LYST: variants seen among roughly 807,000 people sequenced by gnomAD.
LYST encodes lysosomal trafficking regulator, also known as lysosomal-trafficking regulator.
In LYST, 192 loss-of-function variants were observed where a neutral mutation model predicts 413.6. That is an observed-to-expected ratio of 0.46 (90% confidence interval 0.41 to 0.52). The LOEUF is 0.52. Ranked by LOEUF, LYST falls within the 20% of genes least tolerant of loss-of-function variation. LYST has a pLI of 0.00. For synonymous variants in LYST, 1,525 were observed against 1,567.3 expected (o/e 0.97, Z 0.64); for missense variants, 3,815 against 4,499.9 (o/e 0.85, Z 4.35).
At chr1:235,749,036 G>A (rs190787234) in intron 28 of LYST, among the ~76,000 whole-genome samples, 161 of 152,268 alleles carry the variant, frequency 1.1e-3, no homozygotes, top group Non-Finnish European at 1.5e-4. Context: ...ACATTTATCA[G>A]TAAAGAGAAC....
At chr1:235,860,178 A>T (rs1027223273) in intron 1 of LYST, among the ~76,000 whole-genome samples, 5 of 151,906 alleles carry the variant, frequency 3.3e-5, no homozygotes, top group African/African-American at 7.3e-5. Flanking sequence ...CCTCTTTTTT[A>T]AAAAAAGACT....
rs771779306 is a variant in LYST, at chr1:235,662,936, G to T, written c.*4C>A. ...GCTTTGGAGAACGTGAAGTTCATTC[G>T]CATTCACCCGGCTGCATAGCTGCTA... On this transcript the variant is annotated 3_prime_UTR_variant, in exon 53 of 53. Coordinates refer to ENST00000389793, the MANE Select transcript of LYST (RefSeq NM_000081.4). 10 of 1,463,676 alleles carry T rather than the reference G, an allele frequency of 6.8e-6. No individual in the cohort carries two copies. The Admixed American group carries it at 1.2e-4, about 17-fold the overall frequency. 90.7% of individuals were successfully genotyped at this position (1,463,676 alleles called of 1,614,324 possible).
At chr1:235,693,280 G>A (rs534876025) in intron 47 of LYST, 70 bp downstream of exon 47, 183 of 1,174,522 alleles carry the variant, frequency 1.6e-4, no homozygotes, top group Middle Eastern at 1.1e-3. Context: ...GTGTCACTGC[G>A]CTCCAGCTTG....
intron 28 of LYST, among the ~76,000 whole-genome samples, chr1:235,746,915 A>G (rs1211023371): frequency 6.6e-6 from 1 of 152,238 alleles, no homozygotes; most frequent in Non-Finnish European, 1.5e-5. Flanking sequence ...TTTTTTAGTA[A>G]GAATACTACT....
At chr1:235,787,948 A>G (rs552175379) in intron 13 of LYST, among the ~76,000 whole-genome samples, 25 of 152,272 alleles carry the variant, frequency 1.6e-4, no homozygotes, top group African/African-American at 5.8e-4. Flanking sequence ...TAAAGGAGAT[A>G]GTATAAAAGG....
intron 21 of LYST, among the ~76,000 whole-genome samples, chr1:235,764,526 G>A (rs1471741519): frequency 3.9e-5 from 5 of 129,514 alleles, no homozygotes; most frequent in African/African-American, 1.5e-4. Context: ...TGAGATGGAG[G>A]TTTGCTCTTG....
At chr1:235,777,440 A>T in intron 16 of LYST, 132 bp from the exon 17 acceptor site, 1 of 728,692 alleles carries the variant, frequency 1.4e-6, no homozygotes, top group Admixed American at 2.3e-5. Flanking sequence ...AACAGCTACT[A>T]CACTAAACAG....
Position 235,806,770 on chromosome 1 carries a change from A to G in LYST, c.2366T>C (p.Val789Ala). ...KTLPILLKSRVIRDLFLSCNG... is the reference protein window; with the variant it reads ...KTLPILLKSRAIRDLFLSCNG... ...ACAACTCAAAAACAAATCTCTTATT[A>G]CCCTGTGAAAGAAAAAAAGCATGTA... Residue 789 changes from valine (V) to alanine (A), a missense_variant and splice_region_variant, in exon 6 of 53, where the codon GTA becomes GCA. Physicochemically the swap from Val to Ala is moderately conservative, Grantham distance 64. Transcript: ENST00000389793. The G allele has an allele frequency of 6.2e-7, 1 of 1,603,660 alleles. No homozygotes were observed. The highest frequency in any genetic ancestry group is 1.3e-5 in the African/African-American group (1 of 74,784).
At chr1:235,714,893 TG>T (rs1662702920) in intron 42 of LYST, among the ~76,000 whole-genome samples, 1 of 152,246 alleles carries the variant, frequency 6.6e-6, no homozygotes, top group African/African-American at 2.4e-5. Flanking sequence ...CTTTAAAAAG[TG>T]AACTGCATAA....
chr1:235,816,720 A>G (rs1674147234), intron 3 of LYST, among the ~76,000 whole-genome samples: 1 of 152,196 alleles, frequency 6.6e-6, no homozygotes, highest in African/African-American at 2.4e-5. Context: ...ACAGACACAG[A>G]GACCGATGGA....
At chr1:235,727,991 C>G in intron 38 of LYST, 85 bp downstream of exon 38, 1 of 970,512 alleles carries the variant, frequency 1.0e-6, no homozygotes, top group Non-Finnish European at 1.7e-6. Context: ...TCTAATAGTT[C>G]TTCCTTCTCT....
intron 47 of LYST, among the ~76,000 whole-genome samples, chr1:235,690,929 T>C (rs74711484): frequency 2.0e-4 from 28 of 137,092 alleles, no homozygotes; most frequent in African/African-American, 5.5e-4. Flanking sequence ...TTTTTTTTTT[T>C]CCCTTGAGAC....
rs61338459 is a variant in LYST, at chr1:235,715,868, TA to T, written c.9628-512del. ...TGTTTTACAGTGCAGTTATCAGAGA[TA>T]AAAAAAAAAAAGAATATGGTGATTT... On this transcript the variant is annotated intron_variant, in intron 41 of 52. Transcript: ENST00000389793. Among the ~76,000 whole-genome samples the T allele has an allele frequency of 9.9e-4, 145 of 146,138 alleles. No individual in the cohort carries two copies. The Middle Eastern group carries it at 0.014, about 14-fold the overall frequency.
intron 38 of LYST, among the ~76,000 whole-genome samples, chr1:235,724,557 C>A (rs756298762): frequency 4.6e-5 from 7 of 152,060 alleles, no homozygotes; most frequent in African/African-American, 7.2e-5. Context: ...TACCTAAAGT[C>A]CAGAGTTTAT....
chr1:235,672,262 G>T (rs1393108148), intron 50 of LYST, among the ~76,000 whole-genome samples: 1 of 152,154 alleles, frequency 6.6e-6, no homozygotes, highest in African/African-American at 2.4e-5. Flanking sequence ...ATAAATTTAG[G>T]AGTCATTAGG....
chr1:235,880,421 G>A (rs1292245589), intron 1 of LYST, among the ~76,000 whole-genome samples: 1 of 135,404 alleles, frequency 7.4e-6, no homozygotes, highest in Non-Finnish European at 1.5e-5. Flanking sequence ...AGGATCCTGT[G>A]TTGATTTATT....
At position 235,800,190 on chromosome 1, in the gene LYST, G is replaced by A. The variant is rs561852604; in HGVS notation, c.4006+130C>T. 8.2e-4 allele frequency: 526 copies of A among 644,870 alleles called. 9 individuals carry two copies. The South Asian group carries it at 8.3e-3, about 10-fold the overall frequency. The allele number at this position is 644,870 out of a possible 1,614,324, so 39.9% of individuals were successfully genotyped here. The stretch of plus-strand genomic sequence containing the variant: ...TTGAACTCCCAGGCTCAAGTGATCC[G>A]CCTGCCACCTCAGCCTCCCAAAGTG... On this transcript the variant is annotated intron_variant, in intron 10 of 52. Coordinates refer to ENST00000389793, the MANE Select transcript of LYST (RefSeq NM_000081.4).
chr1:235,748,215 G>C (rs1666112562), intron 28 of LYST, among the ~76,000 whole-genome samples: 1 of 152,116 alleles, frequency 6.6e-6, no homozygotes, highest in South Asian at 2.1e-4. Flanking sequence ...ATGTGCGAGT[G>C]CATGGCAATT....
At chr1:235,669,013 T>C (rs1196629890) in intron 50 of LYST, among the ~76,000 whole-genome samples, 1 of 152,228 alleles carries the variant, frequency 6.6e-6, no homozygotes, top group Non-Finnish European at 1.5e-5. Context: ...CAAGAATAGA[T>C]GAATGTTTTG....
Sources: gnomAD v4.1 joint callset for allele counts (sites outside exome capture counted in the v4.1 genomes callset) on GRCh38, gnomAD v4.1.1 for gene constraint, MANE v1.5 for transcripts, NCBI Gene and HGNC (gene_info 2026-07-23, HGNC 2026-07-21) for gene names.